ENOX1: variants seen among roughly 807,000 people sequenced by gnomAD.
ENOX1 encodes candidate growth-related and time keeping constitutive hydroquinone (NADH) oxidase.
In ENOX1, 42 loss-of-function variants were observed where a neutral mutation model predicts 82.5. The ratio of observed to expected loss-of-function variants is 0.51; its 90% CI spans 0.40 to 0.66. ENOX1 has a LOEUF of 0.66. Ranked by LOEUF, ENOX1 falls within the 30% of genes least tolerant of loss-of-function variation. The pLI is 0.00. For missense variants in ENOX1, 608 were observed against 811.6 expected (o/e 0.75, Z 3.05); for synonymous variants, 271 against 282.2 (o/e 0.96, Z 0.40).
At chr13:43,471,396 C>T (rs1924627) in intron 3 of ENOX1, among the ~76,000 whole-genome samples, 96,685 of 151,914 alleles carry the variant, frequency 0.64, 30,946 homozygotes, top group African/African-American at 0.69. Flanking sequence ...AGTTGTGTGT[C>T]TTATCATATG....
chr13:43,435,831 A>G (rs2055990400), intron 3 of ENOX1, among the ~76,000 whole-genome samples: 1 of 152,124 alleles, frequency 6.6e-6, no homozygotes, highest in Non-Finnish European at 1.5e-5. Context: ...TATTTATTGT[A>G]GAAGTCTGTG....
At position 43,267,802 on chromosome 13, in the gene ENOX1, T is replaced by C. The variant is rs530738020; in HGVS notation, c.1554+1668A>G. Among the ~76,000 whole-genome samples, 15 of 152,250 alleles carry C rather than the reference T, an allele frequency of 9.9e-5. No homozygotes were observed. In the East Asian group the frequency reaches 2.3e-3, roughly 24 times the overall value. On this transcript the variant is annotated intron_variant, in intron 13 of 16. Transcript: ENST00000690772. ...TAATGGCACCAGCACCCAAAAACAT[T>C]TGGTGTCAGGCTTAAAGATTCTTGG...
At chr13:43,766,378 T>G (rs2153836551) in intron 1 of ENOX1, among the ~76,000 whole-genome samples, 1 of 152,298 alleles carries the variant, frequency 6.6e-6, no homozygotes, top group East Asian at 1.9e-4. Context: ...CAAAACACTT[T>G]CTTGTCACAG....
In ENOX1 at chr13:43,719,302, T is replaced by TACACACACACACACACACACAC. The variant is rs3024232; in HGVS notation, c.-284-51780_-284-51759dup. On this transcript the variant is annotated intron_variant, in intron 1 of 16. Coordinates refer to ENST00000690772, the MANE Select transcript of ENOX1 (RefSeq NM_001347969.2). ...AGTACTCCATATATATTCATTCAAA[T>TACACACACACACACACACACAC]ACACACACACACACACACACACACA... Among the ~76,000 whole-genome samples the TACACACACACACACACACACAC allele has an allele frequency of 8.0e-4, 101 of 126,784 alleles. 2 individuals carry two copies. The highest frequency in any genetic ancestry group is 1.8e-3 in the African/African-American group (62 of 34,434). 83.2% of individuals were successfully genotyped at this position (126,784 alleles called of 152,430 possible).
In ENOX1 at chr13:43,786,312, G is replaced by T. The variant is rs898814991; in HGVS notation, c.-285+340C>A. ...GGTGCGCTGTCCAAGGTGCAGGGGA[G>T]GTGACTGGCGCGCGGCGGGCGCGGA... On this transcript the variant is annotated intron_variant, in intron 1 of 16. Transcript: ENST00000690772. The surrounding 1 kb of genome is among the most constrained non-coding windows in gnomAD (Gnocchi z 6.0). Among the ~76,000 whole-genome samples the T allele has an allele frequency of 4.6e-5, 7 of 152,178 alleles. No individual in the cohort carries two copies. Among genetic ancestry groups the T allele is most frequent in the Admixed American group, 1.3e-4 (2 of 15,292 alleles).
intron 2 of ENOX1, among the ~76,000 whole-genome samples, chr13:43,573,834 G>A (rs553029707): frequency 6.6e-6 from 1 of 152,172 alleles, no homozygotes; most frequent in Admixed American, 6.5e-5. Flanking sequence ...ATAAAAGTTT[G>A]AGGAGTTCAC....
intron 1 of ENOX1, among the ~76,000 whole-genome samples, chr13:43,746,121 T>C (rs1175995273): frequency 1.3e-5 from 2 of 152,080 alleles, no homozygotes; most frequent in Non-Finnish European, 2.9e-5. Flanking sequence ...GTGAGAAAAA[T>C]ACATATGGTA....
chr13:43,317,119 C>G (rs1194763324), intron 11 of ENOX1, among the ~76,000 whole-genome samples: 1 of 152,238 alleles, frequency 6.6e-6, no homozygotes, highest in Non-Finnish European at 1.5e-5. Flanking sequence ...TCTGCTGGCG[C>G]CCGGAGCTCA....
chr13:43,331,841 A>G (rs1311446600), intron 9 of ENOX1, among the ~76,000 whole-genome samples: 1 of 152,176 alleles, frequency 6.6e-6, no homozygotes. Flanking sequence ...GCTATAAAAG[A>G]GATTCCCAGA....
intron 1 of ENOX1, among the ~76,000 whole-genome samples, chr13:43,754,277 A>G (rs1950518157): frequency 6.8e-6 from 1 of 146,742 alleles, no homozygotes; most frequent in South Asian, 2.1e-4. Context: ...ACACACACAT[A>G]TATACATATA....
At chr13:43,622,960 C>A (rs895351628) in intron 2 of ENOX1, among the ~76,000 whole-genome samples, 5 of 152,088 alleles carry the variant, frequency 3.3e-5, no homozygotes, top group Non-Finnish European at 7.4e-5. Flanking sequence ...GGGGGTGAGA[C>A]TCCCAGGTCA....
At chr13:43,512,169 C>A (rs1404026748) in intron 2 of ENOX1, among the ~76,000 whole-genome samples, 1 of 152,074 alleles carries the variant, frequency 6.6e-6, no homozygotes, top group African/African-American at 2.4e-5. Flanking sequence ...GAGATTTAAA[C>A]CATTACAAAC....
At chr13:43,700,074 A>G (rs987913513) in intron 1 of ENOX1, among the ~76,000 whole-genome samples, 36 of 152,276 alleles carry the variant, frequency 2.4e-4, no homozygotes, top group African/African-American at 8.7e-4. Flanking sequence ...ACCTGTTAAC[A>G]ATTGTTTGTT....
chr13:43,354,971 A>T, intron 8 of ENOX1, among the ~76,000 whole-genome samples: 1 of 152,214 alleles, frequency 6.6e-6, no homozygotes, highest in East Asian at 1.9e-4. Flanking sequence ...TCCCCAAAGC[A>T]TATTGCATTT....
chr13:43,427,270 C>T (rs1017634979), intron 3 of ENOX1, among the ~76,000 whole-genome samples: 2 of 152,162 alleles, frequency 1.3e-5, no homozygotes, highest in African/African-American at 2.4e-5. Flanking sequence ...ATACAGCAGT[C>T]ACTGTGGCAA....
Position 43,451,259 on chromosome 13 carries a change from G to T in ENOX1, c.-75+32750C>A, listed in dbSNP as rs572088231. On this transcript the variant is annotated intron_variant, in intron 3 of 16. Transcript: ENST00000690772. ...CTTTAAGAGCAAACTTTGCTAGTGG[G>T]AAAATTATCCCAATTTTATAGGTAA... Among the ~76,000 whole-genome samples, 6 of 152,276 alleles carry T rather than the reference G, an allele frequency of 3.9e-5. No homozygotes were observed. In the South Asian group the frequency reaches 1.2e-3, roughly 32 times the overall value.
At chr13:43,490,443 T>A (rs1057292494) in intron 2 of ENOX1, among the ~76,000 whole-genome samples, 5 of 152,124 alleles carry the variant, frequency 3.3e-5, no homozygotes, top group Admixed American at 2.6e-4. Flanking sequence ...GTATTTTGCA[T>A]GTGAGAGGAC....
chr13:43,719,217 T>C (rs2088376942), intron 1 of ENOX1, among the ~76,000 whole-genome samples: 1 of 152,002 alleles, frequency 6.6e-6, no homozygotes. Flanking sequence ...TTACTGCCTA[T>C]TAGAAGTCAG....
intron 11 of ENOX1, among the ~76,000 whole-genome samples, chr13:43,311,132 G>A (rs780094939): frequency 1.1e-4 from 17 of 151,934 alleles, no homozygotes; most frequent in African/African-American, 4.1e-4. Context: ...AGACACACTC[G>A]ACATAACATA....
Sources: allele counts gnomAD v4.1 joint callset (sites outside exome capture counted in the v4.1 genomes callset), GRCh38; gene constraint gnomAD v4.1.1; non-coding constraint Gnocchi (gnomAD v3.1); transcripts MANE v1.5; gene names NCBI Gene and HGNC (gene_info 2026-07-23, HGNC 2026-07-21).